PRKCQ: variants seen among roughly 807,000 people sequenced by gnomAD.
The protein encoded by PRKCQ is protein kinase C theta.
Under a neutral mutation model 91.2 loss-of-function variants are expected in PRKCQ, and 41 were observed. That is an observed-to-expected ratio of 0.45 (90% CI 0.35 to 0.58). PRKCQ has a LOEUF of 0.58. Among genes scored for constraint, PRKCQ ranks in the 20% least tolerant of loss-of-function variants. The pLI, the probability that PRKCQ is intolerant of heterozygous loss-of-function variation, is 0.00. For synonymous variants in PRKCQ, 307 were observed against 316.9 expected (o/e 0.97, Z 0.33); for missense variants, 673 against 896.5 (o/e 0.75, Z 3.18).
intron 1 of PRKCQ, among the ~76,000 whole-genome samples, chr10:6,553,113 A>G (rs182753739): frequency 1.3e-5 from 2 of 152,338 alleles, no homozygotes; most frequent in African/African-American, 4.8e-5. Flanking sequence ...TTCAAGGTAC[A>G]GAATGAGAGT....
chr10:6,544,064 G>A (rs2130921397), intron 1 of PRKCQ, among the ~76,000 whole-genome samples: 1 of 152,276 alleles, frequency 6.6e-6, no homozygotes, highest in Admixed American at 6.5e-5. Flanking sequence ...ATTACATCAT[G>A]TATCTTACTA....
intron 15 of PRKCQ, among the ~76,000 whole-genome samples, chr10:6,443,754 ACGTGAGTGAAC>A (rs1564299226): frequency 2.6e-5 from 4 of 152,328 alleles, no homozygotes; most frequent in African/African-American, 7.2e-5. Context: ...GTCACATGCT[ACGTGAGTGAAC>A]CTTGATAACA....
intron 1 of PRKCQ, among the ~76,000 whole-genome samples, chr10:6,531,816 GT>G (rs1053469640): frequency 6.6e-6 from 1 of 151,748 alleles, no homozygotes; most frequent in Non-Finnish European, 1.5e-5. Flanking sequence ...TTGTTTTTTT[GT>G]TTTTTTCATT....
rs1479690334 is a variant in PRKCQ, at chr10:6,449,008, C to T, written c.1648-6927G>A. On this transcript the variant is annotated intron_variant, in intron 15 of 17. Coordinates refer to ENST00000263125, the MANE Select transcript of PRKCQ (RefSeq NM_006257.5). ...AAAAACAGAGCAGAAAAACTGGAAACTCTAAAAAGCAGAGTGCCTCTCCTC... is the reference window on the plus strand; with the variant it reads ...AAAAACAGAGCAGAAAAACTGGAAATTCTAAAAAGCAGAGTGCCTCTCCTC... Among the ~76,000 whole-genome samples, 13 of 151,912 alleles carry T rather than the reference C, an allele frequency of 8.6e-5. No homozygotes were observed. In the East Asian group the frequency reaches 2.1e-3, roughly 25 times the overall value.
intron 16 of PRKCQ, among the ~76,000 whole-genome samples, chr10:6,431,568 G>A (rs532451451): frequency 5.3e-5 from 8 of 152,172 alleles, no homozygotes; most frequent in South Asian, 4.2e-4. Flanking sequence ...GCACACACAC[G>A]CACGCATTTG....
intron 4 of PRKCQ, among the ~76,000 whole-genome samples, chr10:6,504,901 T>TTG (rs1371629821): frequency 7.3e-5 from 11 of 151,490 alleles, no homozygotes; most frequent in African/African-American, 2.2e-4. Flanking sequence ...ATTTATTCTT[T>TTG]TTTTTTTTTT....
intron 8 of PRKCQ, among the ~76,000 whole-genome samples, chr10:6,487,514 C>T (rs1030491036): frequency 1.3e-5 from 2 of 152,138 alleles, no homozygotes; most frequent in Non-Finnish European, 2.9e-5. Flanking sequence ...ATGATCTATA[C>T]AGGATTCTAG....
At chr10:6,459,549 G>T (rs181789290) in intron 14 of PRKCQ, among the ~76,000 whole-genome samples, 3 of 152,154 alleles carry the variant, frequency 2.0e-5, no homozygotes, top group East Asian at 3.9e-4. Flanking sequence ...TTGGAAAAAG[G>T]GTCTTTTTTT....
intron 12 of PRKCQ, among the ~76,000 whole-genome samples, chr10:6,464,972 C>T (rs1163281832): frequency 6.6e-6 from 1 of 151,934 alleles, no homozygotes; most frequent in African/African-American, 2.4e-5. Context: ...AGCAGATGAG[C>T]GGGGGGCACA....
chr10:6,454,775 G>A (rs1834919140), intron 15 of PRKCQ, among the ~76,000 whole-genome samples: 1 of 152,090 alleles, frequency 6.6e-6, no homozygotes, highest in South Asian at 2.1e-4. Context: ...TGACTCTACA[G>A]CGAAGACCAC....
At chr10:6,525,912 T>A (rs1222238932) in intron 1 of PRKCQ, among the ~76,000 whole-genome samples, 17 of 152,108 alleles carry the variant, frequency 1.1e-4, no homozygotes, top group Non-Finnish European at 2.5e-4. Context: ...AGACCTCAGC[T>A]CTCCCACAAG....
At chr10:6,533,369 T>C (rs1486086903) in intron 1 of PRKCQ, among the ~76,000 whole-genome samples, 1 of 152,164 alleles carries the variant, frequency 6.6e-6, no homozygotes. Context: ...GGCTAATTTT[T>C]GTATTTTAGT....
chr10:6,414,624 T>C, the PRKCQ span, among the ~76,000 whole-genome samples: 14 of 152,292 alleles, frequency 9.2e-5, no homozygotes, highest in Admixed American at 2.6e-4. Context: ...CTCTTAACAA[T>C]TGAAGTTCTA....
Position 6,512,071 on chromosome 10 carries a change from A to G in PRKCQ, c.119-877T>C, listed in dbSNP as rs540485964. The G allele has an allele frequency of 8.5e-5, 13 of 152,370 alleles. 1 individual carries two copies. The South Asian group carries it at 2.7e-3, about 32-fold the overall frequency. 9.4% of individuals were successfully genotyped at this position (152,370 alleles called of 1,614,324 possible). On this transcript the variant is annotated intron_variant, in intron 2 of 17. Coordinates refer to ENST00000263125, the MANE Select transcript of PRKCQ (RefSeq NM_006257.5). Reference sequence around the variant, plus strand: ...ACTGGCCCCAGCTTAAACATAGTCAATACAAAACTACTGTGTGTTCATCTG... The same window carrying G: ...ACTGGCCCCAGCTTAAACATAGTCAGTACAAAACTACTGTGTGTTCATCTG...
At position 6,523,277 on chromosome 10, in the gene PRKCQ, C is replaced by T. The variant is rs143329223; in HGVS notation, c.-9-8133G>A. On this transcript the variant is annotated intron_variant, in intron 1 of 17. Coordinates refer to ENST00000263125, the MANE Select transcript of PRKCQ (RefSeq NM_006257.5). Reference sequence around the variant, plus strand: ...CCAGCCTCAGGAACAATGCAAGACCCTGTCTCTATTTTTTCTTTTTTTAAT... The same window carrying T: ...CCAGCCTCAGGAACAATGCAAGACCTTGTCTCTATTTTTTCTTTTTTTAAT... 3.9e-4 allele frequency among the ~76,000 whole-genome samples: 59 copies of T among 152,084 alleles called. No individual in the cohort carries two copies. The East Asian group carries it at 0.011, about 28-fold the overall frequency.
intron 7 of PRKCQ, 132 bp from the exon 8 acceptor site, chr10:6,491,944 T>C: frequency 3.8e-6 from 5 of 1,305,264 alleles, no homozygotes; most frequent in South Asian, 1.3e-5. Flanking sequence ...TAAACCATCA[T>C]TGTCACTTGT....
chr10:6,409,780 T>C, the PRKCQ span, among the ~76,000 whole-genome samples: 1 of 152,144 alleles, frequency 6.6e-6, no homozygotes, highest in Admixed American at 6.5e-5. Flanking sequence ...TAAATATTGA[T>C]ATATTGAAAA....
chr10:6,574,871 A>G (rs989267823), intron 1 of PRKCQ, among the ~76,000 whole-genome samples: 1 of 152,114 alleles, frequency 6.6e-6, no homozygotes, highest in Admixed American at 6.6e-5. Flanking sequence ...GCTCACTGCC[A>G]CTTCCCCTTC....
At chr10:6,573,637 A>G (rs1841121780) in intron 1 of PRKCQ, among the ~76,000 whole-genome samples, 1 of 152,242 alleles carries the variant, frequency 6.6e-6, no homozygotes, top group Non-Finnish European at 1.5e-5. Flanking sequence ...TACGCTTATT[A>G]GGAATTCTTG....
Sources: gnomAD v4.1 joint callset for allele counts (sites outside exome capture counted in the v4.1 genomes callset) on GRCh38, gnomAD v4.1.1 for gene constraint, MANE v1.5 for transcripts, NCBI Gene and HGNC (gene_info 2026-07-23, HGNC 2026-07-21) for gene names.